The following UBE2W variants were observed in gnomAD, a reference collection of about 807,000 sequenced individuals.
UBE2W encodes ubiquitin-conjugating enzyme E2 W.
In UBE2W, 18 loss-of-function variants were observed where a neutral mutation model predicts 27.2. The ratio of observed to expected loss-of-function variants is 0.66; its 90% CI spans 0.46 to 0.98. The LOEUF is 0.98. UBE2W is among the 50% of genes least tolerant of loss of function. The probability of loss-of-function intolerance (pLI) is 0.00; values close to 1 mark genes in which losing one functional copy is unlikely to be tolerated. For synonymous variants in UBE2W, 53 were observed against 57.2 expected (o/e 0.93, Z 0.33); for missense variants, 90 against 180.2 (o/e 0.50, Z 2.87).
chr8:73,791,228 T>C lies in UBE2W; in HGVS notation c.*2874A>G. ...TCTCTTAAAAACTGAAAACAATCCT[T>C]CTCTCTAAACCTATGGCATTAATCC... On this transcript the variant is annotated 3_prime_UTR_variant, in exon 6 of 6. Coordinates refer to ENST00000602593, the MANE Select transcript of UBE2W (RefSeq NM_018299.6). 7 of 982,246 alleles carry C rather than the reference T, an allele frequency of 7.1e-6. No individual in the cohort carries two copies. The highest frequency in any genetic ancestry group is 8.4e-6 in the Non-Finnish European group (7 of 829,192). 60.8% of individuals were successfully genotyped at this position (982,246 alleles called of 1,614,324 possible).
intron 3 of UBE2W, among the ~76,000 whole-genome samples, chr8:73,821,854 A>G (rs935955839): frequency 2.6e-5 from 4 of 152,128 alleles, no homozygotes; most frequent in Admixed American, 2.0e-4. Context: ...TATAAAAATT[A>G]GCTGGGTGTG....
intron 2 of UBE2W, among the ~76,000 whole-genome samples, chr8:73,826,131 T>C (rs1809824342): frequency 1.3e-5 from 2 of 152,220 alleles, no homozygotes; most frequent in Admixed American, 1.3e-4. Flanking sequence ...GTGGTGACTT[T>C]CCTTTATCTC....
At chr8:73,806,971 C>G (rs975751701) in intron 4 of UBE2W, among the ~76,000 whole-genome samples, 2 of 152,046 alleles carry the variant, frequency 1.3e-5, no homozygotes, top group African/African-American at 4.8e-5. Context: ...AGGGAGCTAC[C>G]GCAGATAAAG....
intron 2 of UBE2W, among the ~76,000 whole-genome samples, chr8:73,827,511 G>A (rs1809897741): frequency 6.6e-6 from 1 of 151,960 alleles, no homozygotes; most frequent in East Asian, 1.9e-4. Flanking sequence ...ACCGCACCTG[G>A]CCTGTGCATG....
At chr8:73,814,337 T>C (rs1229087166) in intron 3 of UBE2W, among the ~76,000 whole-genome samples, 1 of 152,200 alleles carries the variant, frequency 6.6e-6, no homozygotes, top group Non-Finnish European at 1.5e-5. Context: ...ATAGCAACTT[T>C]GCGAATGTAT....
intron 1 of UBE2W, among the ~76,000 whole-genome samples, chr8:73,836,995 GC>G (rs1389570655): frequency 6.6e-6 from 1 of 152,206 alleles, no homozygotes; most frequent in Non-Finnish European, 1.5e-5. Flanking sequence ...GTGGTTCATA[GC>G]CAAATATTAC....
At chr8:73,857,570 C>G (rs968701904) in intron 1 of UBE2W, among the ~76,000 whole-genome samples, 1 of 152,174 alleles carries the variant, frequency 6.6e-6, no homozygotes, top group Non-Finnish European at 1.5e-5. Context: ...GTAATCCCAG[C>G]ACTTTGTGAG....
chr8:73,786,380 AG>A lies in UBE2W; in HGVS notation c.*7721del. On this transcript the variant is annotated 3_prime_UTR_variant, in exon 6 of 6. Transcript: ENST00000602593. ...TTGAGAAAGCTAGGATAAAAATACA[AG>A]CATAACCAAGTTAATTCAATACACA... 1.0e-6 allele frequency: 1 copy of A among 985,456 alleles called. No individual in the cohort carries two copies. The highest frequency in any genetic ancestry group is 6.1e-5 in the Admixed American group (1 of 16,284). The allele number at this position is 985,456 out of a possible 1,614,324, so 61.0% of individuals were successfully genotyped here.
chr8:73,826,506 T>C (rs1809840950), intron 2 of UBE2W, among the ~76,000 whole-genome samples: 1 of 152,180 alleles, frequency 6.6e-6, no homozygotes, highest in South Asian at 2.1e-4. Flanking sequence ...TCACCACGCA[T>C]ACTATGAACC....
chr8:73,838,979 A>G (rs1477782029), intron 1 of UBE2W, among the ~76,000 whole-genome samples: 1 of 152,126 alleles, frequency 6.6e-6, no homozygotes, highest in Admixed American at 6.5e-5. Flanking sequence ...ACCCAAGAAG[A>G]TTCTGTATCT....
Position 73,791,557 on chromosome 8 carries a change from G to A in UBE2W, c.*2545C>T. On this transcript the variant is annotated 3_prime_UTR_variant, in exon 6 of 6. Coordinates refer to ENST00000602593, the MANE Select transcript of UBE2W (RefSeq NM_018299.6). ...GGTTGTCTTTCAACAATGCATTACA[G>A]AGAAATATTCTTTTTATTATTACAA... 3 of 985,116 alleles carry A rather than the reference G, an allele frequency of 3.0e-6. No homozygotes were observed. The highest frequency in any genetic ancestry group is 3.6e-6 in the Non-Finnish European group (3 of 829,724). The allele number at this position is 985,116 out of a possible 1,614,324, so 61.0% of individuals were successfully genotyped here.
intron 1 of UBE2W, among the ~76,000 whole-genome samples, chr8:73,841,196 A>G (rs1210614047): frequency 2.0e-5 from 3 of 152,202 alleles, no homozygotes; most frequent in African/African-American, 7.2e-5. Context: ...TAATAAGTAG[A>G]TATTATTTTT....
rs745697156 is a variant in UBE2W, at chr8:73,805,709, A to G, written c.384T>C (p.Asn128=). 3 of 1,538,758 alleles carry G rather than the reference A, an allele frequency of 1.9e-6. No individual in the cohort carries two copies. The change falls in exon 5 of 6, where the codon AAT becomes AAC. Residue 128 remains asparagine, a synonymous_variant. Transcript: ENST00000602593. ...TGTTACATGTTCGCACATAAAAAGA[A>G]TTATCCGGTGGTCGTCTCTGAAACA... is the stretch of plus-strand genomic sequence containing the variant. The part of the protein sequence containing the change: ...SCKEKRRPPD[N]SFYVRTCNKN...
chr8:73,873,298 A>G (rs1812082917), intron 1 of UBE2W, among the ~76,000 whole-genome samples: 1 of 152,208 alleles, frequency 6.6e-6, no homozygotes, highest in South Asian at 2.1e-4. Context: ...CATGACTACT[A>G]CAACAGTAAT....
chr8:73,781,438 C>T (rs1807840661), downstream of UBE2W, among the ~76,000 whole-genome samples: 1 of 152,002 alleles, frequency 6.6e-6, no homozygotes, highest in Non-Finnish European at 1.5e-5. Context: ...CTACCATACT[C>T]GGTGCAACGG....
chr8:73,807,921 G>A (rs1477981731), intron 4 of UBE2W, among the ~76,000 whole-genome samples: 1 of 152,164 alleles, frequency 6.6e-6, no homozygotes, highest in Admixed American at 6.5e-5. Flanking sequence ...TTTGAACAAT[G>A]TAAATATATT....
intron 1 of UBE2W, among the ~76,000 whole-genome samples, chr8:73,866,168 G>A (rs6994391): frequency 0.058 from 8,722 of 150,898 alleles, 839 homozygotes; most frequent in African/African-American, 0.2. Context: ...CTATTCGGGA[G>A]GCTGAAGCAG....
At chr8:73,780,788 T>C (rs1807827654) in intron 4 of UBE2W, among the ~76,000 whole-genome samples, 1 of 151,902 alleles carries the variant, frequency 6.6e-6, no homozygotes, top group Non-Finnish European at 1.5e-5. Context: ...CCTCCCAAAG[T>C]GCTGGGATTA....
At chr8:73,824,568 T>C (rs966880813) in intron 3 of UBE2W, among the ~76,000 whole-genome samples, 1 of 152,218 alleles carries the variant, frequency 6.6e-6, no homozygotes, top group African/African-American at 2.4e-5. Context: ...CCCAATCTTT[T>C]TGACACAAGG....
Sources: allele counts gnomAD v4.1 joint callset (sites outside exome capture counted in the v4.1 genomes callset), GRCh38; gene constraint gnomAD v4.1.1; transcripts MANE v1.5; gene names NCBI Gene and HGNC (gene_info 2026-07-23, HGNC 2026-07-21).